Variants in SCN9A observed in about 807,000 individuals in gnomAD.
SCN9A encodes the protein sodium voltage-gated channel alpha subunit 9.
Under a neutral mutation model 187.0 loss-of-function variants are expected in SCN9A, and 131 were observed. That is an observed-to-expected ratio of 0.70 (90% confidence interval 0.61 to 0.81). The LOEUF is 0.81. Ranked by LOEUF, SCN9A falls within the 30% of genes least tolerant of loss-of-function variation. SCN9A has a pLI of 0.00. For synonymous variants in SCN9A, 809 were observed against 808.6 expected, an observed-to-expected ratio of 1.00 and a Z score of -0.01; for missense variants, 2,252 against 2,396.6, an observed-to-expected ratio of 0.94 and a Z score of 1.26.
chr2:166,329,280 C>A (rs1699439212), intron 1 of SCN9A, among the ~76,000 whole-genome samples: 1 of 151,964 alleles, frequency 6.6e-6, no homozygotes. Context: ...TTCAAATTAC[C>A]AAAACAAAAT....
At chr2:166,233,737 T>C (rs1173671652) in intron 20 of SCN9A, among the ~76,000 whole-genome samples, 1 of 152,176 alleles carries the variant, frequency 6.6e-6, no homozygotes, top group Admixed American at 6.5e-5. Flanking sequence ...TTCACACTTT[T>C]GTAATCAATT....
At chr2:166,300,695 A>G (rs1445193198) in intron 7 of SCN9A, among the ~76,000 whole-genome samples, 3 of 150,936 alleles carry the variant, frequency 2.0e-5, no homozygotes, top group Non-Finnish European at 2.9e-5. Flanking sequence ...AATGGCTTCT[A>G]TGACATAGGA....
At chr2:166,267,683 G>A (rs1696801195) in intron 17 of SCN9A, among the ~76,000 whole-genome samples, 1 of 151,832 alleles carries the variant, frequency 6.6e-6, no homozygotes, top group African/African-American at 2.4e-5. Context: ...GAAGCCATGT[G>A]GTCCTGGACT....
At chr2:166,335,817 C>T (rs182553426) in intron 1 of SCN9A, among the ~76,000 whole-genome samples, 87 of 152,208 alleles carry the variant, frequency 5.7e-4, no homozygotes, top group Non-Finnish European at 9.0e-4. Context: ...ATGATGATTA[C>T]CTGTTCACAA....
At chr2:166,248,283 A>C (rs1167201156) in intron 18 of SCN9A, 1 of 152,144 alleles carries the variant, frequency 6.6e-6, no homozygotes, top group East Asian at 1.9e-4. Context: ...ACTTGTAAGT[A>C]AACATGTTCA....
At chr2:166,282,988 G>A (rs1324961936) in intron 12 of SCN9A, among the ~76,000 whole-genome samples, 1 of 152,034 alleles carries the variant, frequency 6.6e-6, no homozygotes, top group East Asian at 1.9e-4. Context: ...CATATATTGT[G>A]CCACAATTTT....
intron 17 of SCN9A, among the ~76,000 whole-genome samples, chr2:166,270,489 G>A (rs75005943): frequency 0.03 from 4,479 of 150,566 alleles, 483 homozygotes; most frequent in Admixed American, 0.2. Flanking sequence ...TTACCGTCTT[G>A]GAAAAAATGT....
At position 166,277,244 on chromosome 2, in the gene SCN9A, T is replaced by C. The variant is rs200568637; in HGVS notation, c.2613A>G (p.Leu871=). The C allele has an allele frequency of 1.0e-4, 165 of 1,614,050 alleles. No homozygotes were observed. The South Asian group carries it at 1.8e-3, about 18-fold the overall frequency. ...AAATGAAGACGATGATGGCCAACAC[T>C]AAGGTGAGGTTACCTAGAGCCCCTA... ...NSVGALGNLT[L]VLAIIVFIFA... The change falls in exon 16 of 27, where the codon TTA becomes TTG. Residue 871 remains leucine (L), a synonymous_variant. Coordinates refer to ENST00000642356, the MANE Select transcript of SCN9A (RefSeq NM_001365536.1).
intron 17 of SCN9A, among the ~76,000 whole-genome samples, chr2:166,269,431 T>C (rs1218330118): frequency 1.3e-5 from 2 of 151,992 alleles, no homozygotes; most frequent in African/African-American, 4.8e-5. Context: ...ATAGGAATGT[T>C]TGTTTTGTGT....
intron 1 of SCN9A, among the ~76,000 whole-genome samples, chr2:166,331,148 T>G (rs531317317): frequency 6.6e-6 from 1 of 152,306 alleles, no homozygotes; most frequent in African/African-American, 2.4e-5. Context: ...TTTTATTAAT[T>G]TACTCCTTAA....
chr2:166,214,047 T>C (rs1315826765), intron 24 of SCN9A, among the ~76,000 whole-genome samples: 1 of 152,124 alleles, frequency 6.6e-6, no homozygotes, highest in Non-Finnish European at 1.5e-5. Context: ...GAAATGTATT[T>C]ATTTCTAGAA....
At chr2:166,258,776 A>C (rs1445415585) in intron 17 of SCN9A, among the ~76,000 whole-genome samples, 1 of 151,658 alleles carries the variant, frequency 6.6e-6, no homozygotes, top group Non-Finnish European at 1.5e-5. Flanking sequence ...TATGCCAGAA[A>C]CACTTCTTCC....
intron 17 of SCN9A, among the ~76,000 whole-genome samples, chr2:166,265,750 G>A (rs1696706029): frequency 6.6e-6 from 1 of 151,836 alleles, no homozygotes; most frequent in South Asian, 2.1e-4. Flanking sequence ...TTTGATGGTA[G>A]CCATTTTAAC....
rs556236282 is a variant in SCN9A at position 166,322,946 on chromosome 2, A to G, written c.-50-11140T>C. On this transcript the variant is annotated intron_variant, in intron 1 of 26. Transcript: ENST00000642356. ...TTTATTTTGTAAAATGTAATTTTAAACAATACAAGAGTATCCCTAGAATGA... is the reference window on the plus strand; with the variant it reads ...TTTATTTTGTAAAATGTAATTTTAAGCAATACAAGAGTATCCCTAGAATGA... Among the ~76,000 whole-genome samples, 4 of 152,312 alleles carry G rather than the reference A, an allele frequency of 2.6e-5. No individual in the cohort carries two copies. In the South Asian group the frequency reaches 8.3e-4, roughly 32 times the overall value.
chr2:166,289,975 T>C (rs1697967430), intron 9 of SCN9A, among the ~76,000 whole-genome samples: 1 of 152,188 alleles, frequency 6.6e-6, no homozygotes, highest in South Asian at 2.1e-4. Flanking sequence ...GGTATACATG[T>C]GCTATGGTGG....
intron 1 of SCN9A, among the ~76,000 whole-genome samples, chr2:166,336,675 G>A (rs1438318336): frequency 6.6e-6 from 1 of 152,092 alleles, no homozygotes; most frequent in East Asian, 1.9e-4. Context: ...CTGAGAGGCT[G>A]GCTGGGTTTT....
chr2:166,368,758 C>T (rs945495018), intron 1 of SCN9A, among the ~76,000 whole-genome samples: 1 of 150,360 alleles, frequency 6.7e-6, no homozygotes, highest in Non-Finnish European at 1.5e-5. Context: ...GGGGCCTAGG[C>T]GGGCAGATCA....
intron 1 of SCN9A, among the ~76,000 whole-genome samples, chr2:166,335,932 G>A (rs1300497621): frequency 6.6e-6 from 1 of 151,996 alleles, no homozygotes; most frequent in Non-Finnish European, 1.5e-5. Context: ...ATTTCCTAAT[G>A]AATGCAGAAT....
At chr2:166,330,459 C>T (rs187270227) in intron 1 of SCN9A, among the ~76,000 whole-genome samples, 81 of 152,254 alleles carry the variant, frequency 5.3e-4, no homozygotes, top group Non-Finnish European at 8.1e-4. Context: ...ATTTAAAGTA[C>T]TTAGCATTCA....
Sources: allele counts gnomAD v4.1 joint callset (sites outside exome capture counted in the v4.1 genomes callset), GRCh38; gene constraint gnomAD v4.1.1; transcripts MANE v1.5; gene names NCBI Gene and HGNC (gene_info 2026-07-23, HGNC 2026-07-21).